The following IL1RAP variants were observed in gnomAD, a reference collection of about 807,000 sequenced individuals.
IL1RAP encodes interleukin 1 receptor accessory protein.
A neutral mutation model predicts 60.7 loss-of-function variants in IL1RAP; 35 were observed. That is an observed-to-expected ratio of 0.58 (90% CI 0.44 to 0.76). IL1RAP has a LOEUF of 0.76. Among genes scored for constraint, IL1RAP ranks in the 30% least tolerant of loss-of-function variants. The pLI is 0.00. For synonymous variants in IL1RAP, 268 were observed against 250.9 expected (o/e 1.07, Z -0.64); for missense variants, 572 against 693.9 (o/e 0.82, Z 1.97).
At chr3:190,632,236 C>A (rs897055444) in intron 9 of IL1RAP, among the ~76,000 whole-genome samples, 2 of 152,176 alleles carry the variant, frequency 1.3e-5, no homozygotes, top group Non-Finnish European at 2.9e-5. Flanking sequence ...AAATTCCAGG[C>A]GCTCTATTTC....
intron 1 of IL1RAP, among the ~76,000 whole-genome samples, chr3:190,534,687 G>A (rs1419220310): frequency 6.6e-6 from 1 of 152,026 alleles, no homozygotes; most frequent in Admixed American, 6.5e-5. Flanking sequence ...TTTTTAGGGG[G>A]CAGTTATATT....
At chr3:190,611,895 T>C (rs1016245258) in intron 5 of IL1RAP, among the ~76,000 whole-genome samples, 18 of 152,130 alleles carry the variant, frequency 1.2e-4, no homozygotes, top group Middle Eastern at 3.4e-3. Context: ...TAACCACCAA[T>C]TGCAATGAAT....
At chr3:190,558,892 T>C (rs767802207) in intron 2 of IL1RAP, among the ~76,000 whole-genome samples, 1 of 152,224 alleles carries the variant, frequency 6.6e-6, no homozygotes, top group Non-Finnish European at 1.5e-5. Context: ...ACCAAAAACT[T>C]AGTTGCTTAA....
chr3:190,537,747 A>T (rs1723589613), intron 1 of IL1RAP, among the ~76,000 whole-genome samples: 1 of 152,138 alleles, frequency 6.6e-6, no homozygotes, highest in African/African-American at 2.4e-5. Flanking sequence ...TTACAGCTGA[A>T]ATGTGCCTAT....
chr3:190,571,508 C>T (rs948082523), intron 3 of IL1RAP, among the ~76,000 whole-genome samples: 25 of 152,092 alleles, frequency 1.6e-4, no homozygotes, highest in African/African-American at 6.0e-4. Flanking sequence ...AGAACAAGAC[C>T]CTGTCTCTCT....
At chr3:190,544,718 A>G (rs144832649) in intron 1 of IL1RAP, among the ~76,000 whole-genome samples, 1 of 152,344 alleles carries the variant, frequency 6.6e-6, no homozygotes, top group African/African-American at 2.4e-5. Flanking sequence ...AAGAATTACT[A>G]AAGTCAATTA....
chr3:190,524,968 GTAA>G (rs1449616086), intron 1 of IL1RAP, among the ~76,000 whole-genome samples: 1 of 151,044 alleles, frequency 6.6e-6, no homozygotes, highest in Non-Finnish European at 1.5e-5. Context: ...AAATATTGAA[GTAA>G]TAATTTATGT....
chr3:190,623,238 C>A, intron 6 of IL1RAP, 106 bp from the exon 7 acceptor site: 1 of 822,116 alleles, frequency 1.2e-6, no homozygotes, highest in Non-Finnish European at 2.1e-6. Flanking sequence ...TCTAAAACAA[C>A]TGACAAACTA....
intron 4 of IL1RAP, among the ~76,000 whole-genome samples, chr3:190,605,287 C>T (rs925695691): frequency 8.5e-5 from 10 of 117,990 alleles, no homozygotes; most frequent in African/African-American, 2.6e-4. Flanking sequence ...ATATTTTACT[C>T]TTCAGTATTC....
At chr3:190,521,753 TC>T (rs1211523070) in intron 1 of IL1RAP, among the ~76,000 whole-genome samples, 7 of 151,852 alleles carry the variant, frequency 4.6e-5, no homozygotes, top group African/African-American at 1.7e-4. Context: ...ATCTGCCCCA[TC>T]CCCTTCAGGA....
chr3:190,578,505 A>C (rs1004776273), intron 3 of IL1RAP, among the ~76,000 whole-genome samples: 1 of 152,202 alleles, frequency 6.6e-6, no homozygotes, highest in African/African-American at 2.4e-5. Flanking sequence ...ATTACCATAG[A>C]TTTTCCTGCA....
At chr3:190,535,299 G>T (rs563775295) in intron 1 of IL1RAP, among the ~76,000 whole-genome samples, 1 of 152,138 alleles carries the variant, frequency 6.6e-6, no homozygotes, top group Non-Finnish European at 1.5e-5. Context: ...AGTGATGAAC[G>T]CTTACAGAAA....
At chr3:190,656,044 G>C (rs546255225), downstream of IL1RAP, 16 of 1,537,198 alleles carry the variant, frequency 1.0e-5, no homozygotes, top group East Asian at 1.7e-4. Context: ...CATTGTGGTT[G>C]AGTACCGTCC....
chr3:190,580,464 T>A (rs1727894504), intron 3 of IL1RAP, among the ~76,000 whole-genome samples: 1 of 152,144 alleles, frequency 6.6e-6, no homozygotes, highest in Non-Finnish European at 1.5e-5. Flanking sequence ...CAATTGAGTG[T>A]CAGTCAGCCC....
At chr3:190,653,984 T>C (rs1429128526), downstream of IL1RAP, among the ~76,000 whole-genome samples, 1 of 152,178 alleles carries the variant, frequency 6.6e-6, no homozygotes, top group African/African-American at 2.4e-5. Flanking sequence ...CCGCCACTCT[T>C]ACCTGCATTT....
At chr3:190,625,622 T>C (rs998500433) in intron 7 of IL1RAP, among the ~76,000 whole-genome samples, 1 of 152,222 alleles carries the variant, frequency 6.6e-6, no homozygotes, top group African/African-American at 2.4e-5. Context: ...TTGTATGTTA[T>C]GTATGTTGAC....
At chr3:190,558,923 C>T (rs1725658846) in intron 2 of IL1RAP, among the ~76,000 whole-genome samples, 1 of 152,148 alleles carries the variant, frequency 6.6e-6, no homozygotes, top group African/African-American at 2.4e-5. Flanking sequence ...TTTATTGTTG[C>T]ACAGTTTCTG....
At chr3:190,643,527 C>G (rs1429885097) in intron 9 of IL1RAP, among the ~76,000 whole-genome samples, 1 of 137,770 alleles carries the variant, frequency 7.3e-6, no homozygotes, top group Admixed American at 6.8e-5. Flanking sequence ...GCAAAGGTGC[C>G]TAAAATATAA....
downstream of IL1RAP, among the ~76,000 whole-genome samples, chr3:190,655,199 G>T (rs1734574215): frequency 6.6e-6 from 1 of 152,122 alleles, no homozygotes; most frequent in Admixed American, 6.5e-5. Context: ...TTGCTGATCA[G>T]ACTATGTCAG....
Sources: allele counts gnomAD v4.1 joint callset (sites outside exome capture counted in the v4.1 genomes callset), GRCh38; gene constraint gnomAD v4.1.1; transcripts MANE v1.5; gene names NCBI Gene and HGNC (gene_info 2026-07-23, HGNC 2026-07-21).